The following MYO18A variants were observed in gnomAD, a reference collection of about 807,000 sequenced individuals.
The protein encoded by MYO18A is myosin XVIIIA, also known as unconventional myosin-XVIIIa.
A neutral mutation model predicts 235.8 loss-of-function variants in MYO18A; 78 were observed. The ratio of observed to expected loss-of-function variants is 0.33; its 90% CI spans 0.28 to 0.40. The LOEUF (loss-of-function observed/expected upper bound fraction) is 0.40, where lower values mean the gene tolerates loss of function less well. Among genes scored for constraint, MYO18A ranks in the 10% least tolerant of loss-of-function variants. The pLI, the probability that MYO18A is intolerant of heterozygous loss-of-function variation, is 1.00. For missense variants in MYO18A, 2,215 were observed against 2,699.3 expected (o/e 0.82, Z 3.98); for synonymous variants, 977 against 1,077.8 (o/e 0.91, Z 1.83).
chr17:29,159,320 G>T (rs1265863280), intron 2 of MYO18A, among the ~76,000 whole-genome samples: 1 of 151,920 alleles, frequency 6.6e-6, no homozygotes, highest in Non-Finnish European at 1.5e-5. Context: ...CCTGCCCCCT[G>T]CCCCCAGCCC....
intron 2 of MYO18A, among the ~76,000 whole-genome samples, chr17:29,143,432 G>A (rs2067785306): frequency 1.4e-5 from 2 of 145,564 alleles, no homozygotes; most frequent in Non-Finnish European, 3.0e-5. Context: ...TGCACAGATG[G>A]GGCTTCCCTA....
chr17:29,103,550 C>A (rs1326706833), intron 21 of MYO18A, 49 bp downstream of exon 21: 5 of 1,589,126 alleles, frequency 3.1e-6, no homozygotes, highest in Non-Finnish European at 4.3e-6. Flanking sequence ...AGCCACCTGA[C>A]AGGGGCCCCT....
intron 21 of MYO18A, among the ~76,000 whole-genome samples, chr17:29,100,279 C>T (rs1280606849): frequency 2.0e-5 from 3 of 152,108 alleles, no homozygotes; most frequent in South Asian, 2.1e-4. Context: ...GGGAGCGCAG[C>T]GTGCAGAGGA....
At position 29,091,017 on chromosome 17, in the gene MYO18A, G is replaced by C. The variant is rs1367716332; in HGVS notation, c.5188-91C>G. ...CCAATGGCAGGGGCATTGTAGAGAA[G>C]ATGATAATGGGCTGAGCCTGCCTGC... On this transcript the variant is annotated intron_variant, in intron 34 of 41. Transcript: ENST00000527372. 4 of 1,029,432 alleles carry C rather than the reference G, an allele frequency of 3.9e-6. No individual in the cohort carries two copies. In the East Asian group the frequency reaches 7.1e-5, roughly 18 times the overall value. The allele number at this position is 1,029,432 out of a possible 1,614,324, so 63.8% of individuals were successfully genotyped here.
Position 29,140,622 on chromosome 17 carries a change from TA to T in MYO18A, c.1000-18370del, listed in dbSNP as rs2067716615. 1 of 210,204 alleles carries T rather than the reference TA, an allele frequency of 4.8e-6. No homozygotes were observed. Among genetic ancestry groups the T allele is most frequent in the South Asian group, 4.7e-5 (1 of 21,456 alleles). 13.0% of individuals were successfully genotyped at this position (210,204 alleles called of 1,614,324 possible). A position where few individuals can be genotyped will look rare whatever the true frequency, so the allele number is the denominator to read the frequency against. ...CATTGGGGTGGGGGGCAGGCAGTGT[TA>T]GGGGGTTAGGGCAAGGACAGGGAGG... is the stretch of plus-strand genomic sequence containing the variant. On this transcript the variant is annotated intron_variant, in intron 2 of 41. Coordinates refer to ENST00000527372, the MANE Select transcript of MYO18A (RefSeq NM_078471.4). The surrounding 1 kb of genome is among the most constrained non-coding windows in gnomAD (Gnocchi z 4.2).
At chr17:29,098,557 T>C in intron 23 of MYO18A, 112 bp from the exon 24 acceptor site, 1 of 1,288,602 alleles carries the variant, frequency 7.8e-7, no homozygotes, top group Non-Finnish European at 1.1e-6. Flanking sequence ...CAGGACGCCA[T>C]GGGGAAGGCA....
chr17:29,122,680 TGCCCAGCTTC>T (rs2067229942), intron 2 of MYO18A, among the ~76,000 whole-genome samples: 1 of 152,240 alleles, frequency 6.6e-6, no homozygotes, highest in Non-Finnish European at 1.5e-5. Flanking sequence ...GGATCTTCCG[TGCCCAGCTTC>T]TCCCTTCATC....
chr17:29,080,409 C>G, intron 41 of MYO18A: 1 of 986,074 alleles, frequency 1.0e-6, no homozygotes, highest in Non-Finnish European at 1.2e-6. Context: ...GGCTGTACTG[C>G]GAGCAGGCCT....
chr17:29,098,817 G>GGCCC lies in MYO18A; in HGVS notation c.3780+8_3780+9insGGGC. The GGCCC allele has an allele frequency of 6.2e-7, 1 of 1,613,912 alleles. No individual in the cohort carries two copies. The highest frequency in any genetic ancestry group is 8.5e-7 in the Non-Finnish European group (1 of 1,179,806). On this transcript the variant is annotated intron_variant, in intron 23 of 41. Transcript: ENST00000527372. The stretch of plus-strand genomic sequence containing the variant: ...CCCAGAGACTTGGCCCTCTCAGGCT[G>GGCCC]TCACATACGTCTTTGTTCCGGATCT...
intron 3 of MYO18A, 52 bp from the exon 4 acceptor site, chr17:29,122,009 C>T: frequency 6.3e-7 from 1 of 1,588,744 alleles, no homozygotes; most frequent in Non-Finnish European, 8.6e-7. Context: ...CTCTGCTACT[C>T]CACTTGGGAA....
At chr17:29,080,316 G>A (rs1171872021) in intron 41 of MYO18A, 4 of 985,998 alleles carry the variant, frequency 4.1e-6, no homozygotes, top group Middle Eastern at 5.2e-4. Context: ...CGGAGCGGAC[G>A]CTGGAGCTGG....
At chr17:29,151,874 T>C (rs918742405) in intron 2 of MYO18A, among the ~76,000 whole-genome samples, 4 of 152,112 alleles carry the variant, frequency 2.6e-5, no homozygotes, top group African/African-American at 7.2e-5. Flanking sequence ...ATTTCTGCCA[T>C]GGAGCAGTGA....
In MYO18A at chr17:29,139,523, C is replaced by A. The variant is rs1026445041; in HGVS notation, c.1000-17270G>T. The stretch of plus-strand genomic sequence containing the variant: ...GAGCACAGAGAGATACAAGTACTCA[C>A]GGGTACATCTCAGGCTCCTGATGCA... On this transcript the variant is annotated intron_variant, in intron 2 of 41. Transcript: ENST00000527372. Among the ~76,000 whole-genome samples, 3 of 152,182 alleles carry A rather than the reference C, an allele frequency of 2.0e-5. No individual in the cohort carries two copies. In the East Asian group the frequency reaches 5.8e-4, roughly 30 times the overall value.
chr17:29,116,613 G>GCACACACGCACACACACACACA (rs2067070181), intron 10 of MYO18A, among the ~76,000 whole-genome samples, 158 bp from the exon 11 acceptor site: 1 of 144,806 alleles, frequency 6.9e-6, no homozygotes, highest in African/African-American at 2.6e-5. Context: ...TGGGACAAAC[G>GCACACACGCACACACACACACA]CACACACACA....
intron 2 of MYO18A, among the ~76,000 whole-genome samples, chr17:29,123,075 T>C (rs572445640): frequency 1.4e-4 from 22 of 152,306 alleles, no homozygotes; most frequent in African/African-American, 4.8e-4. Context: ...GTAAAGGGGC[T>C]AGAAGCCCCC....
At chr17:29,144,535 C>T (rs2067807170) in intron 2 of MYO18A, among the ~76,000 whole-genome samples, 1 of 152,222 alleles carries the variant, frequency 6.6e-6, no homozygotes, top group South Asian at 2.1e-4. Flanking sequence ...CTCTTTCTTG[C>T]TGTCTGACCT....
In MYO18A at chr17:29,166,816, C is replaced by G; in HGVS notation, c.125G>C (p.Arg42Pro). 1 of 1,600,116 alleles carries G rather than the reference C, an allele frequency of 6.2e-7. No individual in the cohort carries two copies. ...ELRSLEEMSL[R>P]RGFFNLNRSS... is the part of the protein sequence containing the mutation. ...GCGGTTCAGGTTGAAGAAGCCACGT[C>G]GCAGGCTCATCTCCTCCAGGCTCCG... The change falls in exon 2 of 42, where the codon CGA (arginine) becomes CCA (proline). Residue 42 changes from arginine to proline, a missense_variant. Coordinates refer to ENST00000527372, the MANE Select transcript of MYO18A (RefSeq NM_078471.4).
At chr17:29,123,667 A>G (rs59732266) in intron 2 of MYO18A, among the ~76,000 whole-genome samples, 1,626 of 152,344 alleles carry the variant, frequency 0.011, 31 homozygotes, top group African/African-American at 0.037. Flanking sequence ...AACTCTGAAT[A>G]GGAGGATCAC....
intron 34 of MYO18A, chr17:29,091,334 C>A: frequency 3.0e-6 from 1 of 332,126 alleles, no homozygotes; most frequent in South Asian, 2.4e-5. Flanking sequence ...CTGGCTTAGA[C>A]TCTCATTTTC....
Sources: gnomAD v4.1 joint callset for allele counts (sites outside exome capture counted in the v4.1 genomes callset) on GRCh38, gnomAD v4.1.1 for gene constraint, Gnocchi (gnomAD v3.1) non-coding constraint, MANE v1.5 for transcripts, NCBI Gene and HGNC (gene_info 2026-07-23, HGNC 2026-07-21) for gene names.